CTNNA2: variants seen among roughly 807,000 people sequenced by gnomAD.
The protein encoded by CTNNA2 is catenin alpha 2.
Under a neutral mutation model 101.0 loss-of-function variants are expected in CTNNA2, and 42 were observed. The observed-to-expected ratio is 0.42, with a 90% CI of 0.32 to 0.54. The LOEUF (loss-of-function observed/expected upper bound fraction) is 0.54. CTNNA2 is among the 20% of genes least tolerant of loss of function. The probability of loss-of-function intolerance (pLI) is 0.14; values close to 1 mark genes in which losing one functional copy is unlikely to be tolerated. For synonymous variants in CTNNA2, 450 were observed against 456.4 expected (o/e 0.99, Z 0.18); for missense variants, 871 against 1,223.1 (o/e 0.71, Z 4.29).
chr2:80,210,921 T>G (rs898876554), intron 7 of CTNNA2, among the ~76,000 whole-genome samples: 15 of 152,178 alleles, frequency 9.9e-5, no homozygotes, highest in South Asian at 6.2e-4. Context: ...ACTGGTGTGA[T>G]ATGGTATCTC....
intron 1 of CTNNA2, among the ~76,000 whole-genome samples, chr2:79,645,015 C>T (rs1680711373): frequency 6.6e-6 from 1 of 151,418 alleles, no homozygotes; most frequent in African/African-American, 2.4e-5. Flanking sequence ...TGAGGTTTTA[C>T]TCTAACATCC....
intron 9 of CTNNA2, among the ~76,000 whole-genome samples, chr2:80,450,040 T>A (rs1466339823): frequency 6.6e-6 from 1 of 152,218 alleles, no homozygotes; most frequent in African/African-American, 2.4e-5. Flanking sequence ...CCTCTTCTCT[T>A]AATGCAAAGC....
chr2:80,307,411 GATATGGCTGTTTTTC>G (rs1010913143), intron 7 of CTNNA2, among the ~76,000 whole-genome samples: 2 of 151,906 alleles, frequency 1.3e-5, no homozygotes, highest in African/African-American at 2.4e-5. Flanking sequence ...ACAGCAAGTC[GATATGGCTGTTTTTC>G]ATGAGTTTTA....
intron 2 of CTNNA2, among the ~76,000 whole-genome samples, chr2:79,666,530 C>T (rs1207591319): frequency 6.6e-6 from 1 of 152,106 alleles, no homozygotes; most frequent in Non-Finnish European, 1.5e-5. Flanking sequence ...CCACGTTCAT[C>T]TGTTCATTGT....
Position 80,209,195 on chromosome 2 carries a change from T to A in CTNNA2, c.1057-184016T>A, listed in dbSNP as rs533560346. 8.8e-4 allele frequency among the ~76,000 whole-genome samples: 131 copies of A among 149,596 alleles called. 2 individuals carry two copies. Among genetic ancestry groups the A allele is most frequent in the African/African-American group, 2.8e-3 (111 of 39,902 alleles). On this transcript the variant is annotated intron_variant, in intron 7 of 18. Coordinates refer to ENST00000402739, the MANE Select transcript of CTNNA2 (RefSeq NM_001282597.3). ...CTTTCAGAGTATGTTTATTCTTTTT[T>A]TTTTTAATTCTTTTTTTTTTTTCTG...
chr2:80,638,318 C>A (rs568912333), intron 18 of CTNNA2, among the ~76,000 whole-genome samples: 1 of 115,596 alleles, frequency 8.7e-6, no homozygotes, highest in Non-Finnish European at 1.8e-5. Flanking sequence ...GAATATTTCC[C>A]AATTATGGGG....
intron 9 of CTNNA2, among the ~76,000 whole-genome samples, chr2:80,539,505 C>T (rs1418529924): frequency 6.6e-6 from 1 of 151,764 alleles, no homozygotes; most frequent in Non-Finnish European, 1.5e-5. Context: ...GATAGTTTAC[C>T]TCTCCATGAT....
At chr2:79,428,898 C>T (rs1678621780) in intron 4 of CTNNA2, among the ~76,000 whole-genome samples, 1 of 152,106 alleles carries the variant, frequency 6.6e-6, no homozygotes, top group Non-Finnish European at 1.5e-5. Context: ...ATGAGAGATC[C>T]AGCCTCTCAA....
intron 4 of CTNNA2, among the ~76,000 whole-genome samples, chr2:79,377,846 T>G (rs1443756652): frequency 6.6e-6 from 1 of 152,182 alleles, no homozygotes; most frequent in African/African-American, 2.4e-5. Flanking sequence ...GATGCAAACA[T>G]GAAGCACCTG....
At chr2:80,016,263 C>T (rs1694135944) in intron 7 of CTNNA2, among the ~76,000 whole-genome samples, 1 of 152,174 alleles carries the variant, frequency 6.6e-6, no homozygotes. Flanking sequence ...CCTGAGATAA[C>T]AGAGCTATTT....
chr2:80,509,095 G>C (rs1688503692), intron 9 of CTNNA2, among the ~76,000 whole-genome samples: 1 of 152,168 alleles, frequency 6.6e-6, no homozygotes, highest in Non-Finnish European at 1.5e-5. Context: ...TCAGGAGGCT[G>C]TTCACTCTTC....
In CTNNA2 at chr2:79,710,082, G is replaced by A. The variant is rs142859003; in HGVS notation, c.103-34305G>A. Among the ~76,000 whole-genome samples, 860 of 152,132 alleles carry A rather than the reference G, an allele frequency of 5.7e-3. 7 individuals carry two copies. Among genetic ancestry groups the A allele is most frequent in the African/African-American group, 0.019 (809 of 41,506 alleles). ...TTGTCCCTCTTGAATTCTGAAACCC[G>A]AAATGATGTTTTCTGAATCATCCTG... On this transcript the variant is annotated intron_variant, in intron 2 of 18. Coordinates refer to ENST00000402739, the MANE Select transcript of CTNNA2 (RefSeq NM_001282597.3).
At chr2:80,624,951 C>A (rs950389668) in intron 18 of CTNNA2, among the ~76,000 whole-genome samples, 3 of 151,800 alleles carry the variant, frequency 2.0e-5, no homozygotes, top group South Asian at 4.2e-4. Context: ...CTTGTTACAC[C>A]AACTAAAGCA....
At chr2:80,013,689 C>G (rs774127488) in intron 7 of CTNNA2, among the ~76,000 whole-genome samples, 1 of 152,198 alleles carries the variant, frequency 6.6e-6, no homozygotes, top group East Asian at 1.9e-4. Flanking sequence ...AAAAATCAGT[C>G]TCTCCCTAAG....
intron 4 of CTNNA2, among the ~76,000 whole-genome samples, chr2:79,413,563 C>A (rs1374858695): frequency 1.3e-5 from 2 of 151,928 alleles, no homozygotes; most frequent in South Asian, 2.1e-4. Flanking sequence ...CATTTCATTT[C>A]TTTGGATATA....
chr2:79,863,246 A>G (rs2103981492), intron 4 of CTNNA2, among the ~76,000 whole-genome samples: 1 of 152,318 alleles, frequency 6.6e-6, no homozygotes, highest in Non-Finnish European at 1.5e-5. Flanking sequence ...GAATATGCTA[A>G]TTTCTTAGTT....
chr2:79,191,914 T>A (rs1389183164), intron 1 of CTNNA2, among the ~76,000 whole-genome samples: 1 of 152,128 alleles, frequency 6.6e-6, no homozygotes, highest in Non-Finnish European at 1.5e-5. Context: ...GACGCAGAGA[T>A]GCCTCACACA....
At chr2:79,415,720 G>A (rs1678471899) in intron 4 of CTNNA2, among the ~76,000 whole-genome samples, 1 of 152,054 alleles carries the variant, frequency 6.6e-6, no homozygotes, top group Non-Finnish European at 1.5e-5. Flanking sequence ...CATATGCCTG[G>A]TATCTGGAAG....
chr2:80,169,861 G>A (rs897215333), intron 7 of CTNNA2, among the ~76,000 whole-genome samples: 5 of 152,160 alleles, frequency 3.3e-5, no homozygotes, highest in Non-Finnish European at 4.4e-5. Context: ...TGCCACTTGC[G>A]TGACTTTAGG....
Sources: allele counts gnomAD v4.1 joint callset (sites outside exome capture counted in the v4.1 genomes callset), GRCh38; gene constraint gnomAD v4.1.1; transcripts MANE v1.5; gene names NCBI Gene and HGNC (gene_info 2026-07-23, HGNC 2026-07-21).